The following PALLD variants were observed in gnomAD, a reference collection of about 807,000 sequenced individuals.
PALLD encodes palladin, cytoskeletal associated protein.
PALLD carries 61 observed loss-of-function variants against 123.5 expected under a neutral mutation model. The observed-to-expected ratio is 0.49, with a 90% CI of 0.40 to 0.61. PALLD has a LOEUF of 0.61. PALLD is among the 20% of genes least tolerant of loss of function. The pLI, the probability that PALLD is intolerant of heterozygous loss-of-function variation, is 0.00. For synonymous variants in PALLD, 465 were observed against 496.4 expected, an observed-to-expected ratio of 0.94 and a Z score of 0.84; for missense variants, 1,273 against 1,377.0, an observed-to-expected ratio of 0.92 and a Z score of 1.20.
intron 17 of PALLD, among the ~76,000 whole-genome samples, chr4:168,916,252 A>C (rs1375184228): frequency 6.6e-6 from 1 of 152,074 alleles, no homozygotes; most frequent in African/African-American, 2.4e-5. Context: ...TCTCTACCAA[A>C]AATACAAAAG....
chr4:168,579,796 G>A (rs1189411512), intron 2 of PALLD, among the ~76,000 whole-genome samples: 1 of 151,826 alleles, frequency 6.6e-6, no homozygotes. Context: ...AGTATACAAT[G>A]TGATGTTTTG....
At chr4:168,572,991 T>A (rs1034024152) in intron 2 of PALLD, among the ~76,000 whole-genome samples, 1 of 151,078 alleles carries the variant, frequency 6.6e-6, no homozygotes, top group Non-Finnish European at 1.5e-5. Context: ...GTTCTTAATA[T>A]AATCTACAAG....
chr4:168,815,333 G>A (rs970753678), intron 10 of PALLD, among the ~76,000 whole-genome samples: 3 of 152,170 alleles, frequency 2.0e-5, no homozygotes, highest in African/African-American at 7.2e-5. Flanking sequence ...ACCTAAACAA[G>A]TTTGAACCCA....
intron 2 of PALLD, among the ~76,000 whole-genome samples, chr4:168,659,440 C>T (rs922663494): frequency 6.6e-6 from 1 of 152,106 alleles, no homozygotes; most frequent in African/African-American, 2.4e-5. Context: ...CAGCTGGGGG[C>T]TAAATTTGCC....
At chr4:168,685,271 A>G (rs959178223) in intron 5 of PALLD, among the ~76,000 whole-genome samples, 3 of 152,228 alleles carry the variant, frequency 2.0e-5, no homozygotes, top group Non-Finnish European at 4.4e-5. Context: ...TTTACCTTGA[A>G]TATCCTTTTG....
rs56350773 is a variant in PALLD at position 168,927,628 on chromosome 4, AAATT to A, written c.*1450_*1453del. ...AAAGACACCAAGATGTGGTAAATGA[AAATT>A]ATTAGTTCACTTCCCTGCTGCCATG... On this transcript the variant is annotated 3_prime_UTR_variant, in exon 22 of 22. Coordinates refer to ENST00000505667, the MANE Select transcript of PALLD (RefSeq NM_001166108.2). 51 of 227,486 alleles carry A rather than the reference AAATT, an allele frequency of 2.2e-4. No homozygotes were observed. The highest frequency in any genetic ancestry group is 3.9e-4 in the Non-Finnish European group (45 of 114,212). 14.1% of individuals were successfully genotyped at this position (227,486 alleles called of 1,614,324 possible). A position where few individuals can be genotyped will look rare whatever the true frequency, so the allele number is the denominator to read the frequency against.
At position 168,604,543 on chromosome 4, in the gene PALLD, G is replaced by A. The variant is rs142839676; in HGVS notation, c.909-63647G>A. 5.2e-3 allele frequency among the ~76,000 whole-genome samples: 798 copies of A among 152,248 alleles called. 8 individuals carry two copies. Among genetic ancestry groups the A allele is most frequent in the African/African-American group, 0.018 (754 of 41,540 alleles). On this transcript the variant is annotated intron_variant, in intron 2 of 21. Transcript: ENST00000505667. ...ATAGTTACATTACCAGACTAACAAC[G>A]CTTGATTAAGGCATACAGAGAATTT...
intron 3 of PALLD, among the ~76,000 whole-genome samples, chr4:168,679,377 T>G (rs1331851116): frequency 3.1e-4 from 25 of 79,512 alleles, no homozygotes; most frequent in Middle Eastern, 0.02. Context: ...TGTGTGTGGG[T>G]GTGTGTGTGT....
At chr4:168,579,149 T>C (rs1295087947) in intron 2 of PALLD, among the ~76,000 whole-genome samples, 8 of 152,126 alleles carry the variant, frequency 5.3e-5, no homozygotes, top group Non-Finnish European at 7.4e-5. Flanking sequence ...TCCTAGTAAA[T>C]CTCCCACAGT....
chr4:168,767,814 T>C (rs1261494757), intron 10 of PALLD, among the ~76,000 whole-genome samples: 1 of 152,186 alleles, frequency 6.6e-6, no homozygotes, highest in African/African-American at 2.4e-5. Flanking sequence ...CCCAAAGTGC[T>C]GGGATTACAG....
chr4:168,836,813 A>T (rs1310667196), intron 10 of PALLD, among the ~76,000 whole-genome samples: 3 of 152,196 alleles, frequency 2.0e-5, no homozygotes, highest in East Asian at 3.8e-4. Flanking sequence ...CCCTGAACAC[A>T]CTTTTTCACT....
intron 2 of PALLD, among the ~76,000 whole-genome samples, chr4:168,555,878 C>A (rs138468982): frequency 1.4e-3 from 208 of 152,254 alleles, no homozygotes; most frequent in Non-Finnish European, 2.5e-3. Context: ...GGGATCCAGT[C>A]AAAAAGAGGG....
chr4:168,848,608 C>T lies in PALLD; in HGVS notation c.1965-42314C>T, dbSNP rs574176316. On this transcript the variant is annotated intron_variant, in intron 10 of 21. Transcript: ENST00000505667. ...AAGAGGGTTATTGTCAAACTTAGAA[C>T]GATGCTAATTTGAGTTCTGAGCTCT... Among the ~76,000 whole-genome samples, 12 of 152,256 alleles carry T rather than the reference C, an allele frequency of 7.9e-5. No homozygotes were observed. In the East Asian group the frequency reaches 1.2e-3, roughly 15 times the overall value.
intron 2 of PALLD, among the ~76,000 whole-genome samples, chr4:168,654,273 G>A (rs1778343585): frequency 6.6e-6 from 1 of 151,912 alleles, no homozygotes; most frequent in Admixed American, 6.6e-5. Context: ...GTTTTTTTTG[G>A]GGAGGAGGGA....
chr4:168,515,851 C>A, intron 2 of PALLD, among the ~76,000 whole-genome samples: 1 of 149,236 alleles, frequency 6.7e-6, no homozygotes, highest in East Asian at 1.9e-4. Context: ...GGCTACTAAG[C>A]AGCTGGCTGG....
intron 10 of PALLD, among the ~76,000 whole-genome samples, chr4:168,794,104 G>T (rs1389642725): frequency 6.6e-6 from 1 of 152,110 alleles, no homozygotes; most frequent in Non-Finnish European, 1.5e-5. Context: ...CTTTTCCAGG[G>T]GTTCTCCAGG....
chr4:168,539,611 A>G (rs1203320769), intron 2 of PALLD, among the ~76,000 whole-genome samples: 1 of 141,472 alleles, frequency 7.1e-6, no homozygotes, highest in Non-Finnish European at 1.5e-5. Context: ...AAATAAATAA[A>G]TAAAGATGCT....
At chr4:168,653,913 G>A (rs1489054373) in intron 2 of PALLD, among the ~76,000 whole-genome samples, 5 of 151,864 alleles carry the variant, frequency 3.3e-5, no homozygotes, top group Admixed American at 3.3e-4. Flanking sequence ...TGTTAGCCAG[G>A]ATGGTCTCGA....
intron 10 of PALLD, among the ~76,000 whole-genome samples, chr4:168,765,283 G>A (rs1220424102): frequency 6.6e-6 from 1 of 152,210 alleles, no homozygotes; most frequent in Non-Finnish European, 1.5e-5. Flanking sequence ...GAAAAACAGA[G>A]TAGAAGAAGA....
Sources: allele counts gnomAD v4.1 joint callset (sites outside exome capture counted in the v4.1 genomes callset), GRCh38; gene constraint gnomAD v4.1.1; transcripts MANE v1.5; gene names NCBI Gene and HGNC (gene_info 2026-07-23, HGNC 2026-07-21).